Variants in EPHB2 observed in about 807,000 individuals in gnomAD.
The protein encoded by EPHB2 is ephrin type-B receptor 2.
In EPHB2, 18 loss-of-function variants were observed where a neutral mutation model predicts 96.4. The observed-to-expected ratio is 0.19, with a 90% CI of 0.13 to 0.28. The LOEUF is 0.28. Among genes scored for constraint, EPHB2 ranks in the 10% least tolerant of loss-of-function variants. The pLI, the probability that EPHB2 is intolerant of heterozygous loss-of-function variation, is 1.00. For synonymous variants in EPHB2, 506 were observed against 534.1 expected, an observed-to-expected ratio of 0.95 and a Z score of 0.72; for missense variants, 989 against 1,355.4, an observed-to-expected ratio of 0.73 and a Z score of 4.25.
chr1:22,831,821 G>A (rs1645308162), intron 3 of EPHB2, among the ~76,000 whole-genome samples: 1 of 152,144 alleles, frequency 6.6e-6, no homozygotes, highest in South Asian at 2.1e-4. Context: ...GGCTCAAGAG[G>A]GGCTGTGTTA....
In EPHB2 at chr1:22,838,196, C is replaced by T. The variant is rs529042392; in HGVS notation, c.812-24841C>T. On this transcript the variant is annotated intron_variant, in intron 3 of 15. Transcript: ENST00000374630. Reference sequence around the variant, plus strand: ...CCTCTCTGGACATCCATGTTCCACTCTGCCATCTCAGGGCAATGGTCACCC... The same window carrying T: ...CCTCTCTGGACATCCATGTTCCACTTTGCCATCTCAGGGCAATGGTCACCC... Among the ~76,000 whole-genome samples the T allele has an allele frequency of 7.2e-4, 109 of 152,344 alleles. 2 individuals are homozygous for T. The South Asian group carries it at 0.021, about 30-fold the overall frequency.
intron 3 of EPHB2, among the ~76,000 whole-genome samples, chr1:22,833,339 C>T (rs1645334343): frequency 2.0e-5 from 3 of 152,190 alleles, no homozygotes; most frequent in Admixed American, 6.5e-5. Flanking sequence ...AGGCTGGTCT[C>T]GAACTCCTGA....
intron 1 of EPHB2, among the ~76,000 whole-genome samples, chr1:22,747,764 T>G (rs1462663026): frequency 6.6e-6 from 1 of 152,228 alleles, no homozygotes; most frequent in Admixed American, 6.5e-5. Flanking sequence ...CATTTGTTGG[T>G]GGCTTGAGCT....
At position 22,846,272 on chromosome 1, in the gene EPHB2, C is replaced by T. The variant is rs1645540143; in HGVS notation, c.812-16765C>T. Among the ~76,000 whole-genome samples the T allele has an allele frequency of 2.6e-5, 4 of 152,074 alleles. No individual in the cohort carries two copies. The highest frequency in any genetic ancestry group is 1.9e-4 in the East Asian group (1 of 5,160). ...ATCTCGACTAAAAATATAAAATAGT[C>T]GGGCATAGTGACGTGCGCCTGTAAT... On this transcript the variant is annotated intron_variant, in intron 3 of 15. Coordinates refer to ENST00000374630, the MANE Select transcript of EPHB2 (RefSeq NM_017449.5). This position sits in a 1 kb window ranked among gnomAD's most constrained non-coding sequence, Gnocchi z 4.3.
At chr1:22,792,280 T>C (rs545763544) in intron 3 of EPHB2, among the ~76,000 whole-genome samples, 1 of 151,674 alleles carries the variant, frequency 6.6e-6, no homozygotes, top group South Asian at 2.1e-4. Flanking sequence ...GGGAAGGGTG[T>C]GAGGGTTGGA....
At chr1:22,772,359 A>T (rs1361572897) in intron 1 of EPHB2, among the ~76,000 whole-genome samples, 1 of 152,154 alleles carries the variant, frequency 6.6e-6, no homozygotes, top group African/African-American at 2.4e-5. Flanking sequence ...CAAGCAGGCA[A>T]CCGAGGCAGA....
chr1:22,812,124 A>G (rs1173485781), intron 3 of EPHB2, among the ~76,000 whole-genome samples: 1 of 152,154 alleles, frequency 6.6e-6, no homozygotes, highest in Non-Finnish European at 1.5e-5. Flanking sequence ...GCCCCCAGAT[A>G]TTTGTTGTGA....
chr1:22,721,684 G>T (rs1454255033), intron 1 of EPHB2, among the ~76,000 whole-genome samples: 1 of 151,796 alleles, frequency 6.6e-6, no homozygotes, highest in African/African-American at 2.4e-5. Flanking sequence ...TGACGCAATC[G>T]CAGCTCACTT....
At chr1:22,891,330 G>A (rs1639381149) in intron 6 of EPHB2, 1 of 376,498 alleles carries the variant, frequency 2.7e-6, no homozygotes, top group African/African-American at 2.1e-5. Context: ...TGATGTGTGT[G>A]TGACTGGCAT....
At chr1:22,756,489 C>A (rs1303226710) in intron 1 of EPHB2, among the ~76,000 whole-genome samples, 1 of 152,192 alleles carries the variant, frequency 6.6e-6, no homozygotes, top group Non-Finnish European at 1.5e-5. Context: ...CTTCCCTTCG[C>A]CCGTGGGCGG....
chr1:22,872,126 G>T (rs4655134), intron 5 of EPHB2, among the ~76,000 whole-genome samples: 107,043 of 152,018 alleles, frequency 0.7, 42,857 homozygotes, highest in Non-Finnish European at 0.91. Context: ...GCTTAGAGGG[G>T]TTGTTAGCAG....
chr1:22,718,269 T>G (rs1643342809), intron 1 of EPHB2, among the ~76,000 whole-genome samples: 1 of 149,958 alleles, frequency 6.7e-6, no homozygotes, highest in South Asian at 2.1e-4. Flanking sequence ...CAATTCAGCC[T>G]CCCTAATCTG....
chr1:22,889,022 G>T (rs1639311374), intron 6 of EPHB2, among the ~76,000 whole-genome samples: 1 of 152,034 alleles, frequency 6.6e-6, no homozygotes, highest in South Asian at 2.1e-4. Context: ...GGGTGTGATG[G>T]TATGTGCCTG....
chr1:22,861,450 C>T (rs568100110), intron 3 of EPHB2, among the ~76,000 whole-genome samples: 1 of 152,040 alleles, frequency 6.6e-6, no homozygotes, highest in East Asian at 1.9e-4. Flanking sequence ...CCAGCCTGAG[C>T]AACATAGTGA....
chr1:22,793,592 T>C (rs1644726577), intron 3 of EPHB2, among the ~76,000 whole-genome samples: 1 of 151,908 alleles, frequency 6.6e-6, no homozygotes, highest in South Asian at 2.1e-4. Flanking sequence ...AGAAGAAAGG[T>C]GTTCTTGGCC....
intron 3 of EPHB2, among the ~76,000 whole-genome samples, chr1:22,842,218 A>G (rs751613014): frequency 9.2e-5 from 14 of 152,036 alleles, no homozygotes; most frequent in Admixed American, 3.9e-4. Context: ...AAGTCTAATT[A>G]CTAGCTCTCG....
At chr1:22,728,193 C>T (rs1385869441) in intron 1 of EPHB2, among the ~76,000 whole-genome samples, 3 of 152,102 alleles carry the variant, frequency 2.0e-5, no homozygotes, top group Admixed American at 6.5e-5. Flanking sequence ...CAGCATGGCA[C>T]CTAGGACTTA....
intron 6 of EPHB2, among the ~76,000 whole-genome samples, chr1:22,889,517 A>G (rs1187173893): frequency 6.6e-6 from 1 of 152,158 alleles, no homozygotes; most frequent in Admixed American, 6.5e-5. Context: ...TGTGTGGCAA[A>G]CCTGGGGGGA....
intron 1 of EPHB2, among the ~76,000 whole-genome samples, chr1:22,751,838 C>A (rs1171181005): frequency 1.3e-5 from 2 of 152,212 alleles, no homozygotes; most frequent in Admixed American, 6.5e-5. Context: ...GTCATGAAGG[C>A]CACCAGCTTT....
Sources: allele counts gnomAD v4.1 joint callset (sites outside exome capture counted in the v4.1 genomes callset), GRCh38; gene constraint gnomAD v4.1.1; non-coding constraint Gnocchi (gnomAD v3.1); transcripts MANE v1.5; gene names NCBI Gene and HGNC (gene_info 2026-07-23, HGNC 2026-07-21).